The following MKRN1 variants were observed in gnomAD, a reference collection of about 807,000 sequenced individuals.
The protein encoded by MKRN1 is E3 ubiquitin-protein ligase makorin-1.
Under a neutral mutation model 55.5 loss-of-function variants are expected in MKRN1, and 9 were observed. That is an observed-to-expected ratio of 0.16 (90% confidence interval 0.10 to 0.28). The LOEUF (loss-of-function observed/expected upper bound fraction) is 0.28. MKRN1 is among the 10% of genes least tolerant of loss of function. MKRN1 has a pLI of 1.00. For synonymous variants in MKRN1, 253 were observed against 235.9 expected (o/e 1.07, Z -0.66); for missense variants, 488 against 626.7 (o/e 0.78, Z 2.36).
chr7:140,472,620 C>T (rs181806692), intron 1 of MKRN1, among the ~76,000 whole-genome samples: 57 of 150,798 alleles, frequency 3.8e-4, no homozygotes, highest in Middle Eastern at 3.4e-3. Context: ...GATCTCCTGA[C>T]CTTGTGATCT....
chr7:140,456,568 G>A, intron 5 of MKRN1, 84 bp downstream of exon 5: 2 of 1,547,766 alleles, frequency 1.3e-6, no homozygotes, highest in Non-Finnish European at 1.7e-6. Flanking sequence ...TTTAAATGCG[G>A]TCCATCTGGT....
At chr7:140,461,134 T>C (rs1442328443) in intron 2 of MKRN1, among the ~76,000 whole-genome samples, 2 of 152,184 alleles carry the variant, frequency 1.3e-5, no homozygotes, top group African/African-American at 2.4e-5. Flanking sequence ...TGTGGAACAT[T>C]TTACCAACAC....
Position 140,454,229 on chromosome 7 carries a change from G to C in MKRN1, c.*288C>G. 2.4e-6 allele frequency: 1 copy of C among 412,504 alleles called. No individual in the cohort carries two copies. The highest frequency in any genetic ancestry group is 5.0e-5 in the East Asian group (1 of 19,844). 25.6% of individuals were successfully genotyped at this position (412,504 alleles called of 1,614,324 possible). A position where few individuals can be genotyped will look rare whatever the true frequency, so the allele number is the denominator to read the frequency against. ...GTGAAAAGTCCATAAATGCAATCTG[G>C]TTGAAAACAGATGACGCAACACACC... On this transcript the variant is annotated 3_prime_UTR_variant, in exon 8 of 8. Transcript: ENST00000255977.
At chr7:140,470,499 C>T (rs910475908) in intron 2 of MKRN1, among the ~76,000 whole-genome samples, 2 of 151,796 alleles carry the variant, frequency 1.3e-5, no homozygotes, top group Non-Finnish European at 2.9e-5. Context: ...GCAGGAGAAT[C>T]GCTTGAACCC....
intron 1 of MKRN1, among the ~76,000 whole-genome samples, chr7:140,474,006 A>AGG (rs1424576257): frequency 1.0e-4 from 1 of 9,584 alleles, no homozygotes; most frequent in African/African-American, 9.3e-4. Flanking sequence ...AAAAAAAAAA[A>AGG]AAGAAAGAAA....
Position 140,479,423 on chromosome 7 carries a change from C to G in MKRN1, c.-79G>C. On this transcript the variant is annotated 5_prime_UTR_variant, in exon 1 of 8. Coordinates refer to ENST00000255977, the MANE Select transcript of MKRN1 (RefSeq NM_013446.4). ...CGGTCCGGCTGCGGGGAGAGGACGG[C>G]GAGGCCAGGCGAGGGGAGGGGAAGG... is the stretch of plus-strand genomic sequence containing the variant. 8.1e-7 allele frequency: 1 copy of G among 1,236,458 alleles called. No individual in the cohort carries two copies. Among genetic ancestry groups the G allele is most frequent in the African/African-American group, 1.6e-5 (1 of 64,258 alleles). The allele number at this position is 1,236,458 out of a possible 1,614,324, so 76.6% of individuals were successfully genotyped here.
intron 1 of MKRN1, among the ~76,000 whole-genome samples, chr7:140,477,536 C>T (rs1040432353): frequency 3.3e-5 from 5 of 152,152 alleles, no homozygotes; most frequent in African/African-American, 4.8e-5. Flanking sequence ...CTTGGCCAGG[C>T]TGGTCTTGAG....
In MKRN1 at chr7:140,465,234, A is replaced by C. The variant is rs367787651; in HGVS notation, c.315-5298T>G. 5.3e-5 allele frequency among the ~76,000 whole-genome samples: 8 copies of C among 152,248 alleles called. No individual in the cohort carries two copies. In the East Asian group the frequency reaches 1.5e-3, roughly 29 times the overall value. ...CAAACCAGGCCAGGCACGGTAGTTC[A>C]CACCTGTAATCCCCAGCACTTTGGG... On this transcript the variant is annotated intron_variant, in intron 2 of 7. Transcript: ENST00000255977.
Position 140,459,253 on chromosome 7 carries a change from T to TGG in MKRN1, c.545-22_545-21dup, listed in dbSNP as rs761670884. On this transcript the variant is annotated intron_variant, in intron 3 of 7. Coordinates refer to ENST00000255977, the MANE Select transcript of MKRN1 (RefSeq NM_013446.4). ...GCGCAGCTGAAAATGTGTAAGAGGG[T>TGG]GGTAAAGGTCCAAATAGATAAGGCA... is the stretch of plus-strand genomic sequence containing the variant. 1.2e-6 allele frequency: 2 copies of TGG among 1,611,872 alleles called. No homozygotes were observed. Among genetic ancestry groups the TGG allele is most frequent in the Non-Finnish European group, 1.7e-6 (2 of 1,178,368 alleles).
chr7:140,468,958 C>T (rs1585485806), intron 2 of MKRN1, among the ~76,000 whole-genome samples: 1 of 152,098 alleles, frequency 6.6e-6, no homozygotes. Context: ...TAATATCCCA[C>T]ACCATCAATA....
chr7:140,458,943 T>A, intron 4 of MKRN1, 64 bp downstream of exon 4: 1 of 1,525,006 alleles, frequency 6.6e-7, no homozygotes, highest in South Asian at 1.1e-5. Flanking sequence ...AAACCCACAA[T>A]GCTGTGAAAG....
At chr7:140,456,000 C>G in intron 5 of MKRN1, 100 bp from the exon 6 acceptor site, 1 of 1,147,732 alleles carries the variant, frequency 8.7e-7, no homozygotes, top group Non-Finnish European at 1.3e-6. Flanking sequence ...AAAGACTTAA[C>G]TGAAAGGCAC....
chr7:140,460,642 A>G (rs1276420755), intron 2 of MKRN1, among the ~76,000 whole-genome samples: 1 of 152,154 alleles, frequency 6.6e-6, no homozygotes, highest in Non-Finnish European at 1.5e-5. Flanking sequence ...TTGAGCATCA[A>G]TGTGCCTGTA....
chr7:140,459,446 CTA>C (rs1794556155), intron 3 of MKRN1, among the ~76,000 whole-genome samples: 1 of 151,998 alleles, frequency 6.6e-6, no homozygotes, highest in Non-Finnish European at 1.5e-5. Context: ...GCTTCTTTAT[CTA>C]TGTCTTGGGT....
rs1357580673 is a variant in MKRN1, at chr7:140,479,206, C to T, written c.139G>A (p.Gly47Ser). The T allele has an allele frequency of 1.3e-5, 19 of 1,465,474 alleles. No homozygotes were observed. Among genetic ancestry groups the T allele is most frequent in the Non-Finnish European group, 1.7e-5 (19 of 1,109,292 alleles). 90.8% of individuals were successfully genotyped at this position (1,465,474 alleles called of 1,614,324 possible). A position where few individuals can be genotyped will look rare whatever the true frequency, so the allele number is the denominator to read the frequency against. The change falls in exon 1 of 8, where the codon GGC becomes AGC. Residue 47 changes from glycine to serine, a missense_variant. Physicochemically the swap from Gly to Ser is moderately conservative, Grantham distance 56. Transcript: ENST00000255977. ...PSLGAGGGGG[G>S]SDGSGGGWTK... ...CAGCCGCCGCCGCTGCCGTCGCTGC[C>T]GCCGCCCCCTCCGCCCGCCCCCAGG...
chr7:140,473,997 A>AG, intron 1 of MKRN1, among the ~76,000 whole-genome samples: 4 of 113,774 alleles, frequency 3.5e-5, no homozygotes, highest in African/African-American at 1.5e-4. Flanking sequence ...CGTCTCAAAA[A>AG]AAAAAAAAAA....
intron 2 of MKRN1, among the ~76,000 whole-genome samples, chr7:140,468,554 A>G (rs1237222846): frequency 1.3e-5 from 2 of 151,986 alleles, no homozygotes; most frequent in South Asian, 2.1e-4. Context: ...TGCAAAAATT[A>G]GCTGGGTGTG....
chr7:140,464,569 G>T (rs1794717965), intron 2 of MKRN1, among the ~76,000 whole-genome samples: 1 of 152,052 alleles, frequency 6.6e-6, no homozygotes, highest in South Asian at 2.1e-4. Context: ...GCTGGGCATG[G>T]TGGTGCATGC....
At chr7:140,469,206 G>C (rs1257372131) in intron 2 of MKRN1, among the ~76,000 whole-genome samples, 1 of 151,206 alleles carries the variant, frequency 6.6e-6, no homozygotes, top group Admixed American at 6.6e-5. Context: ...GGCGCCTGTA[G>C]TCCCAGCTAC....
Sources: allele counts gnomAD v4.1 joint callset (sites outside exome capture counted in the v4.1 genomes callset), GRCh38; gene constraint gnomAD v4.1.1; transcripts MANE v1.5; gene names NCBI Gene and HGNC (gene_info 2026-07-23, HGNC 2026-07-21).